ATF6: variants seen among roughly 807,000 people sequenced by gnomAD.
ATF6 encodes the protein activating transcription factor 6.
ATF6 carries 53 observed loss-of-function variants against 83.6 expected under a neutral mutation model. The observed-to-expected ratio is 0.63, with a 90% CI of 0.51 to 0.80. ATF6 has a LOEUF of 0.80. Ranked by LOEUF, ATF6 falls within the 30% of genes least tolerant of loss-of-function variation. The pLI, the probability that ATF6 is intolerant of heterozygous loss-of-function variation, is 0.00. For missense variants in ATF6, 744 were observed against 797.9 expected, an observed-to-expected ratio of 0.93 and a Z score of 0.81; for synonymous variants, 288 against 285.8, an observed-to-expected ratio of 1.01 and a Z score of -0.08.
chr1:161,789,748 C>G (rs1684835943), intron 4 of ATF6, among the ~76,000 whole-genome samples: 1 of 152,034 alleles, frequency 6.6e-6, no homozygotes, highest in Admixed American at 6.6e-5. Context: ...TCCTTGTTTT[C>G]TAGGATTTTA....
At chr1:161,871,142 C>T (rs1687115461) in intron 14 of ATF6, among the ~76,000 whole-genome samples, 1 of 151,638 alleles carries the variant, frequency 6.6e-6, no homozygotes, top group Non-Finnish European at 1.5e-5. Flanking sequence ...ATGTCCTACT[C>T]TTCAAAAGAT....
intron 9 of ATF6, among the ~76,000 whole-genome samples, chr1:161,846,178 G>A (rs1050258498): frequency 6.6e-6 from 1 of 152,074 alleles, no homozygotes; most frequent in Non-Finnish European, 1.5e-5. Context: ...TAATTATCAA[G>A]TTTTTAAAAC....
chr1:161,906,287 C>A (rs189333634), intron 14 of ATF6, among the ~76,000 whole-genome samples: 5 of 152,266 alleles, frequency 3.3e-5, no homozygotes, highest in African/African-American at 1.2e-4. Context: ...CTGAAACTCT[C>A]ATGAAAAGAG....
chr1:161,903,166 T>G (rs572519985), intron 14 of ATF6, among the ~76,000 whole-genome samples: 1 of 152,180 alleles, frequency 6.6e-6, no homozygotes, highest in African/African-American at 2.4e-5. Context: ...AAACAAAAAT[T>G]TACCTCTTTA....
intron 12 of ATF6, among the ~76,000 whole-genome samples, chr1:161,854,674 A>G (rs1368264582): frequency 1.3e-5 from 2 of 152,128 alleles, no homozygotes; most frequent in Non-Finnish European, 2.9e-5. Flanking sequence ...GATCAAGACC[A>G]TCCTGGCTAA....
chr1:161,923,738 A>G (rs1398307644), intron 15 of ATF6, among the ~76,000 whole-genome samples: 2 of 152,186 alleles, frequency 1.3e-5, no homozygotes, highest in African/African-American at 2.4e-5. Flanking sequence ...GTTTAGATTC[A>G]ATCAGCTTGC....
At chr1:161,807,992 G>A (rs1342613215) in intron 7 of ATF6, among the ~76,000 whole-genome samples, 1 of 141,800 alleles carries the variant, frequency 7.1e-6, no homozygotes, top group African/African-American at 2.6e-5. Context: ...CGATTCTCCT[G>A]CCTCAGCCTC....
intron 15 of ATF6, among the ~76,000 whole-genome samples, chr1:161,913,899 AATG>A (rs1688040231): frequency 6.6e-6 from 1 of 152,218 alleles, no homozygotes; most frequent in African/African-American, 2.4e-5. Context: ...TATGCAAGAG[AATG>A]CCTGGTCTTA....
At chr1:161,796,068 C>G (rs1001703283) in intron 6 of ATF6, among the ~76,000 whole-genome samples, 3 of 149,650 alleles carry the variant, frequency 2.0e-5, no homozygotes, top group Admixed American at 6.9e-5. Context: ...TTGGCCTTGC[C>G]TTGGTATTCT....
intron 9 of ATF6, among the ~76,000 whole-genome samples, chr1:161,825,618 C>T (rs924092596): frequency 6.6e-6 from 1 of 152,150 alleles, no homozygotes; most frequent in Non-Finnish European, 1.5e-5. Context: ...ATGGGAGAGA[C>T]GCATAGGGTA....
intron 6 of ATF6, among the ~76,000 whole-genome samples, chr1:161,801,359 C>CTTTATTTTTTTTT (rs1685140932): frequency 1.0e-5 from 1 of 95,288 alleles, no homozygotes; most frequent in Non-Finnish European, 2.1e-5. Flanking sequence ...TATTTGTAGT[C>CTTTATTTTTTTTT]TTTTTTTTTT....
Position 161,887,489 on chromosome 1 carries a change from G to A in ATF6, c.1719+24177G>A, listed in dbSNP as rs987539094. On this transcript the variant is annotated intron_variant, in intron 14 of 15. Transcript: ENST00000367942. ...CCTGGAGATGAAGAACTTTGTAAAG[G>A]GGATAATTGTTATCACCCATCAGAG... Among the ~76,000 whole-genome samples the A allele has an allele frequency of 3.9e-5, 6 of 152,054 alleles. No individual in the cohort carries two copies. In the East Asian group the frequency reaches 1.2e-3, roughly 29 times the overall value.
At position 161,803,924 on chromosome 1, in the gene ATF6, G is replaced by A. The variant is rs544757802; in HGVS notation, c.909+1652G>A. Among the ~76,000 whole-genome samples, 4 of 151,600 alleles carry A rather than the reference G, an allele frequency of 2.6e-5. No individual in the cohort carries two copies. The South Asian group carries it at 6.3e-4, about 24-fold the overall frequency. ...AGTTACATATGTATACATGTGACAT[G>A]CTGGTGCGCTGCACCCACTAACTCG... On this transcript the variant is annotated intron_variant, in intron 7 of 15. Transcript: ENST00000367942.
chr1:161,879,087 G>C (rs1687275134), intron 14 of ATF6, among the ~76,000 whole-genome samples: 1 of 152,120 alleles, frequency 6.6e-6, no homozygotes, highest in East Asian at 1.9e-4. Flanking sequence ...ATGGCCCTTT[G>C]CTAGTAAGGC....
At chr1:161,926,793 G>A (rs1264228803) in intron 15 of ATF6, among the ~76,000 whole-genome samples, 2 of 152,126 alleles carry the variant, frequency 1.3e-5, no homozygotes, top group Non-Finnish European at 2.9e-5. Context: ...ATGGAGATAA[G>A]AGGGCAGAAC....
At chr1:161,804,283 A>G (rs945642567) in intron 7 of ATF6, among the ~76,000 whole-genome samples, 1 of 152,170 alleles carries the variant, frequency 6.6e-6, no homozygotes, top group Non-Finnish European at 1.5e-5. Flanking sequence ...TAGACATGAA[A>G]AAAAGATAAA....
chr1:161,933,264 T>C (rs1023911936), intron 15 of ATF6, among the ~76,000 whole-genome samples: 1 of 152,196 alleles, frequency 6.6e-6, no homozygotes, highest in African/African-American at 2.4e-5. Flanking sequence ...TACAGTTCCA[T>C]CCTGCAAACA....
intron 9 of ATF6, among the ~76,000 whole-genome samples, chr1:161,835,947 CCT>C (rs1320704633): frequency 2.0e-5 from 3 of 151,956 alleles, no homozygotes; most frequent in Middle Eastern, 3.4e-3. Flanking sequence ...GTGCTTTTAC[CCT>C]GTTTTTGTTC....
chr1:161,851,631 T>C lies in ATF6; in HGVS notation c.1320-91T>C, dbSNP rs1211193674. On this transcript the variant is annotated intron_variant, in intron 10 of 15. Transcript: ENST00000367942. Reference sequence around the variant, plus strand: ...TCTGTTTACTATATTTTTGTTTCCATGAAAAGTTAACACTAATGATGATTT... The same window carrying C: ...TCTGTTTACTATATTTTTGTTTCCACGAAAAGTTAACACTAATGATGATTT... The C allele has an allele frequency of 7.5e-6, 6 of 801,596 alleles. No homozygotes were observed. The East Asian group carries it at 1.0e-4, about 14-fold the overall frequency. The allele number at this position is 801,596 out of a possible 1,614,324, so 49.7% of individuals were successfully genotyped here.
Sources: gnomAD v4.1 joint callset for allele counts (sites outside exome capture counted in the v4.1 genomes callset) on GRCh38, gnomAD v4.1.1 for gene constraint, MANE v1.5 for transcripts, NCBI Gene and HGNC (gene_info 2026-07-23, HGNC 2026-07-21) for gene names.